Variants in LRMDA observed in about 807,000 individuals in gnomAD.
LRMDA encodes leucine rich melanocyte differentiation associated, also known as leucine-rich melanocyte differentiation-associated protein.
Under a neutral mutation model 29.8 loss-of-function variants are expected in LRMDA, and 18 were observed. The ratio of observed to expected loss-of-function variants is 0.60; its 90% CI spans 0.42 to 0.90. LRMDA has a LOEUF of 0.90. LRMDA is among the 40% of genes least tolerant of loss of function. LRMDA has a pLI of 0.00. For missense variants in LRMDA, 273 were observed against 273.9 expected (o/e 1.00, Z 0.02); for synonymous variants, 125 against 109.4 (o/e 1.14, Z -0.89).
chr10:76,385,271 C>T (rs972082990), intron 6 of LRMDA, among the ~76,000 whole-genome samples: 4 of 152,268 alleles, frequency 2.6e-5, no homozygotes, highest in South Asian at 2.1e-4. Context: ...TTTGCTTTTA[C>T]TTTTATGTAC....
intron 6 of LRMDA, among the ~76,000 whole-genome samples, chr10:76,478,814 G>A (rs1355671103): frequency 1.3e-5 from 2 of 150,956 alleles, no homozygotes; most frequent in Non-Finnish European, 2.9e-5. Flanking sequence ...AACAAACACT[G>A]CATGTTCTCA....
intron 6 of LRMDA, among the ~76,000 whole-genome samples, chr10:76,324,698 C>T (rs538978980): frequency 7.2e-5 from 11 of 151,960 alleles, no homozygotes; most frequent in South Asian, 2.1e-4. Flanking sequence ...AATAAATCTA[C>T]GGTATAATAT....
chr10:76,132,966 CTTTTTTTTTTTTT>C (rs35997711), intron 5 of LRMDA, among the ~76,000 whole-genome samples: 6 of 57,382 alleles, frequency 1.0e-4, no homozygotes, highest in South Asian at 2.0e-3. Context: ...CCACGCCCGG[CTTTTTTTTTTTTT>C]TTTTTTTTTT....
At chr10:76,067,974 A>G (rs1470878068) in intron 5 of LRMDA, among the ~76,000 whole-genome samples, 1 of 152,216 alleles carries the variant, frequency 6.6e-6, no homozygotes, top group Non-Finnish European at 1.5e-5. Context: ...GTATCCTTGA[A>G]GGCAGGGAAA....
intron 2 of LRMDA, among the ~76,000 whole-genome samples, chr10:75,850,655 T>C (rs1205318472): frequency 1.3e-5 from 2 of 152,176 alleles, no homozygotes; most frequent in African/African-American, 4.8e-5. Context: ...GTTCATCTAA[T>C]ACACAGGGTT....
intron 5 of LRMDA, among the ~76,000 whole-genome samples, chr10:76,074,850 T>C (rs2132072936): frequency 6.6e-6 from 1 of 152,258 alleles, no homozygotes; most frequent in East Asian, 1.9e-4. Context: ...TAACAAACAG[T>C]CCCAGATCCC....
chr10:75,633,332 A>G (rs1841351460), intron 2 of LRMDA, among the ~76,000 whole-genome samples: 1 of 152,170 alleles, frequency 6.6e-6, no homozygotes, highest in African/African-American at 2.4e-5. Flanking sequence ...CCCATTGTGT[A>G]AGTGAAGACG....
chr10:75,552,545 G>T (rs868788828), intron 2 of LRMDA: 1 of 487,204 alleles, frequency 2.1e-6, no homozygotes, highest in Non-Finnish European at 4.3e-6. Flanking sequence ...AGATACAAGT[G>T]CCTGACCACT....
rs540642983 is a variant in LRMDA, at chr10:75,808,248, C to T, written c.132-227760C>T. 3.9e-5 allele frequency among the ~76,000 whole-genome samples: 6 copies of T among 152,222 alleles called. No individual in the cohort carries two copies. The South Asian group carries it at 1.2e-3, about 32-fold the overall frequency. On this transcript the variant is annotated intron_variant, in intron 2 of 6. Transcript: ENST00000611255. ...GACAGCACCAGCTGGAAGATGTCAC[C>T]TGGGATGACCAAAGACTTGATCAAT...
intron 2 of LRMDA, among the ~76,000 whole-genome samples, chr10:75,541,406 T>C (rs1840013740): frequency 1.3e-5 from 2 of 151,234 alleles, no homozygotes; most frequent in East Asian, 3.9e-4. Context: ...CACAAACTTT[T>C]TTTTTTTTTT....
At chr10:76,495,128 T>C (rs1177953641) in intron 6 of LRMDA, among the ~76,000 whole-genome samples, 2 of 151,950 alleles carry the variant, frequency 1.3e-5, no homozygotes, top group Non-Finnish European at 2.9e-5. Flanking sequence ...TTTAGTGTTT[T>C]ATACTTTACA....
At chr10:75,516,475 T>C (rs1289560986) in intron 2 of LRMDA, among the ~76,000 whole-genome samples, 1 of 152,234 alleles carries the variant, frequency 6.6e-6, no homozygotes. Flanking sequence ...CATTTTTTCA[T>C]GTGTCTGTTG....
At chr10:76,554,066 T>G (rs1381588764) in intron 6 of LRMDA, among the ~76,000 whole-genome samples, 2 of 152,120 alleles carry the variant, frequency 1.3e-5, no homozygotes, top group Non-Finnish European at 2.9e-5. Context: ...GAGGTTATCC[T>G]TAGGCCCCTT....
chr10:75,765,587 A>AC (rs1843153195), intron 2 of LRMDA, among the ~76,000 whole-genome samples: 1 of 148,916 alleles, frequency 6.7e-6, no homozygotes, highest in African/African-American at 2.5e-5. Context: ...GGTGTGCTCC[A>AC]TTTTTTTTTT....
intron 2 of LRMDA, among the ~76,000 whole-genome samples, chr10:75,620,818 T>C (rs1311542862): frequency 6.6e-6 from 1 of 152,224 alleles, no homozygotes; most frequent in African/African-American, 2.4e-5. Flanking sequence ...TATTGCCATT[T>C]TGTTTTTGCT....
chr10:75,895,551 A>G (rs572388634), intron 2 of LRMDA, among the ~76,000 whole-genome samples: 1 of 152,180 alleles, frequency 6.6e-6, no homozygotes, highest in Admixed American at 6.5e-5. Context: ...GTTACTGTCT[A>G]CTCTGTTATA....
At chr10:76,543,130 G>C (rs1364016598) in intron 6 of LRMDA, among the ~76,000 whole-genome samples, 2 of 152,096 alleles carry the variant, frequency 1.3e-5, no homozygotes, top group South Asian at 4.1e-4. Flanking sequence ...AATGCCAATA[G>C]CAAGGAACCC....
chr10:76,409,574 C>T (rs1196350073), intron 6 of LRMDA, among the ~76,000 whole-genome samples: 1 of 152,102 alleles, frequency 6.6e-6, no homozygotes, highest in African/African-American at 2.4e-5. Context: ...TTTTTTAGTG[C>T]ATACATTTTG....
chr10:76,422,002 G>A lies in LRMDA; in HGVS notation c.601+97517G>A, dbSNP rs182823022. Among the ~76,000 whole-genome samples, 14 of 152,270 alleles carry A rather than the reference G, an allele frequency of 9.2e-5. No homozygotes were observed. The East Asian group carries it at 2.5e-3, about 27-fold the overall frequency. On this transcript the variant is annotated intron_variant, in intron 6 of 6. Coordinates refer to ENST00000611255, the MANE Select transcript of LRMDA (RefSeq NM_001305581.2). ...TAGTCCAGTTAGGGATTTATTCCAT[G>A]GGAAACTGGGCTGCAGACTTGGTGA...
Sources: gnomAD v4.1 joint callset for allele counts (sites outside exome capture counted in the v4.1 genomes callset) on GRCh38, gnomAD v4.1.1 for gene constraint, MANE v1.5 for transcripts, NCBI Gene and HGNC (gene_info 2026-07-23, HGNC 2026-07-21) for gene names.